Variants in BDP1 observed in about 807,000 individuals in gnomAD.
BDP1 encodes the protein transcription factor TFIIIB component B'' homolog.
In BDP1, 169 loss-of-function variants were observed where a neutral mutation model predicts 266.6. The observed-to-expected ratio is 0.63, with a 90% CI of 0.56 to 0.72. The LOEUF is 0.72. BDP1 is among the 30% of genes least tolerant of loss of function. The probability of loss-of-function intolerance (pLI) is 0.00; values close to 1 mark genes in which losing one functional copy is unlikely to be tolerated. For missense variants in BDP1, 3,015 were observed against 3,053.8 expected (o/e 0.99, Z 0.30); for synonymous variants, 1,090 against 1,022.4 (o/e 1.07, Z -1.26).
intron 34 of BDP1, among the ~76,000 whole-genome samples, chr5:71,552,556 G>A (rs1027671754): frequency 1.2e-4 from 19 of 152,234 alleles, no homozygotes; most frequent in African/African-American, 4.3e-4. Context: ...ACAAGACTCC[G>A]TCTGCAATCC....
intron 34 of BDP1, among the ~76,000 whole-genome samples, chr5:71,550,247 A>G (rs1210603673): frequency 6.6e-6 from 1 of 152,124 alleles, no homozygotes; most frequent in Non-Finnish European, 1.5e-5. Flanking sequence ...TTAGCTGGTC[A>G]TGGTGGCCTG....
intron 2 of BDP1, among the ~76,000 whole-genome samples, chr5:71,461,185 T>C (rs1210376227): frequency 6.6e-6 from 1 of 152,094 alleles, no homozygotes. Context: ...GTCTCATTTA[T>C]GTTGCCCAGG....
At chr5:71,533,339 T>G (rs1315390282) in intron 26 of BDP1, among the ~76,000 whole-genome samples, 1 of 152,212 alleles carries the variant, frequency 6.6e-6, no homozygotes, top group Non-Finnish European at 1.5e-5. Context: ...TTTCATCAGT[T>G]GAGGAACTGC....
At chr5:71,466,955 TA>T (rs1231568150) in intron 5 of BDP1, among the ~76,000 whole-genome samples, 3 of 152,230 alleles carry the variant, frequency 2.0e-5, no homozygotes, top group Non-Finnish European at 2.9e-5. Context: ...AGTTAGAGCA[TA>T]TTTAACTGCT....
At position 71,565,894 on chromosome 5, in the gene BDP1, A is replaced by T. The variant is rs1420932144; in HGVS notation, c.*1009A>T. On this transcript the variant is annotated 3_prime_UTR_variant, in exon 39 of 39. Transcript: ENST00000358731. ...TATTTAAACATAATTATTTATAAAG[A>T]TGACACATCAAAGGGCTTATTTATT... is the stretch of plus-strand genomic sequence containing the variant. The T allele has an allele frequency of 6.5e-6, 1 of 154,466 alleles. No homozygotes were observed. The highest frequency in any genetic ancestry group is 1.9e-4 in the South Asian group (1 of 5,258). The allele number at this position is 154,466 out of a possible 1,614,324, so 9.6% of individuals were successfully genotyped here. A position where few individuals can be genotyped will look rare whatever the true frequency, so the allele number is the denominator to read the frequency against.
the BDP1 span, among the ~76,000 whole-genome samples, chr5:71,576,263 T>G: frequency 6.6e-6 from 1 of 152,190 alleles, no homozygotes; most frequent in Non-Finnish European, 1.5e-5. Flanking sequence ...TCCTAAGATT[T>G]ATCATGATTA....
At chr5:71,548,824 T>A in intron 33 of BDP1, 79 bp downstream of exon 33, 1 of 1,045,344 alleles carries the variant, frequency 9.6e-7, no homozygotes, top group South Asian at 1.4e-5. Context: ...TGGAAAAACA[T>A]AAAACAGTTG....
At chr5:71,482,041 A>G (rs192242082) in intron 7 of BDP1, among the ~76,000 whole-genome samples, 7 of 152,282 alleles carry the variant, frequency 4.6e-5, no homozygotes, top group African/African-American at 1.7e-4. Flanking sequence ...ATTAGGATGC[A>G]CCTGAACTCT....
At chr5:71,569,998 CCTT>C (rs1744214953), downstream of BDP1, among the ~76,000 whole-genome samples, 2 of 152,142 alleles carry the variant, frequency 1.3e-5, no homozygotes, top group African/African-American at 2.4e-5. Context: ...GTGGTTTAAA[CCTT>C]CTACTTGGCC....
At chr5:71,481,920 C>T (rs1322178417) in intron 7 of BDP1, among the ~76,000 whole-genome samples, 1 of 152,126 alleles carries the variant, frequency 6.6e-6, no homozygotes, top group African/African-American at 2.4e-5. Flanking sequence ...ACTTAATTCT[C>T]ATGCTACATC....
intron 7 of BDP1, among the ~76,000 whole-genome samples, chr5:71,476,686 C>T (rs989343661): frequency 6.6e-6 from 1 of 151,916 alleles, no homozygotes; most frequent in African/African-American, 2.4e-5. Context: ...GAATTACAGG[C>T]GCGTGCCACC....
intron 5 of BDP1, among the ~76,000 whole-genome samples, chr5:71,466,840 C>T (rs1302567858): frequency 6.6e-6 from 1 of 152,044 alleles, no homozygotes; most frequent in Non-Finnish European, 1.5e-5. Flanking sequence ...AATTTTATAG[C>T]ATTCACATTC....
At chr5:71,462,126 CT>C (rs1042310229) in intron 3 of BDP1, among the ~76,000 whole-genome samples, 200 bp downstream of exon 3, 4 of 151,986 alleles carry the variant, frequency 2.6e-5, no homozygotes, top group Admixed American at 2.0e-4. Context: ...CCACACCCGG[CT>C]AATTTTTGTA....
At chr5:71,573,227 C>CA in the BDP1 span, among the ~76,000 whole-genome samples, 3,314 of 82,672 alleles carry the variant, frequency 0.04, 112 homozygotes, top group African/African-American at 0.12. Flanking sequence ...GACTCTGTTT[C>CA]AAAAAAAAAA....
chr5:71,577,356 C>T, the BDP1 span, among the ~76,000 whole-genome samples: 2 of 152,190 alleles, frequency 1.3e-5, no homozygotes, highest in Admixed American at 1.3e-4. Context: ...ATTCAAACAG[C>T]TCAGTATGTG....
At chr5:71,545,414 C>T in intron 32 of BDP1, 195 bp downstream of exon 32, 1 of 562,106 alleles carries the variant, frequency 1.8e-6, no homozygotes, top group South Asian at 2.6e-5. Context: ...TCACTGCAAC[C>T]TCTGCCACCC....
chr5:71,511,165 T>G lies in BDP1; in HGVS notation c.4059+14T>G. 6.3e-7 allele frequency: 1 copy of G among 1,581,748 alleles called. No individual in the cohort carries two copies. Among genetic ancestry groups the G allele is most frequent in the Non-Finnish European group, 8.5e-7 (1 of 1,169,644 alleles). On this transcript the variant is annotated intron_variant, in intron 17 of 38. Transcript: ENST00000358731. ...CTAGATATTCAGGTATGTATTTTTC[T>G]GTCCTTTAAAAGTTTTTTGAATGCT...
rs1580010371 is a variant in BDP1 at position 71,476,352 on chromosome 5, A to T, written c.1014+5863A>T. ...TTTATTATAAAGGATATTATAAGGG[A>T]TACAGATGAAGAGATTCATAGAGTA... On this transcript the variant is annotated intron_variant, in intron 7 of 38. Transcript: ENST00000358731. 11 of 152,350 alleles carry T rather than the reference A, an allele frequency of 7.2e-5. 1 individual carries two copies. The South Asian group carries it at 2.3e-3, about 32-fold the overall frequency. 9.4% of individuals were successfully genotyped at this position (152,350 alleles called of 1,614,324 possible).
At chr5:71,497,650 A>G (rs1009327617) in intron 13 of BDP1, among the ~76,000 whole-genome samples, 5 of 152,212 alleles carry the variant, frequency 3.3e-5, no homozygotes, top group African/African-American at 1.2e-4. Context: ...GTGGTGATAA[A>G]TCTGTCTTCT....
Sources: gnomAD v4.1 joint callset for allele counts (sites outside exome capture counted in the v4.1 genomes callset) on GRCh38, gnomAD v4.1.1 for gene constraint, MANE v1.5 for transcripts, NCBI Gene and HGNC (gene_info 2026-07-23, HGNC 2026-07-21) for gene names.